AHDC1: variants seen among roughly 807,000 people sequenced by gnomAD.
AHDC1 encodes AT-hook DNA binding motif containing 1.
Under a neutral mutation model 87.9 loss-of-function variants are expected in AHDC1, and 7 were observed. The ratio of observed to expected loss-of-function variants is 0.08; its 90% CI spans 0.05 to 0.15. The LOEUF (loss-of-function observed/expected upper bound fraction) is 0.15. AHDC1 is among the 10% of genes least tolerant of loss of function. AHDC1 has a pLI of 1.00. For synonymous variants in AHDC1, 1,051 were observed against 1,006.8 expected (o/e 1.04, Z -0.83); for missense variants, 1,841 against 2,253.2 (o/e 0.82, Z 3.70).
chr1:27,535,773 AG>A (rs764549417), intron 8 of AHDC1, among the ~76,000 whole-genome samples: 33 of 152,190 alleles, frequency 2.2e-4, no homozygotes, highest in Admixed American at 8.5e-4. Context: ...CGAGATTGGA[AG>A]TACCCCTTTT....
rs536955351 is a variant in AHDC1, at chr1:27,596,504, C to T, written c.-629+6893G>A. 4.6e-5 allele frequency among the ~76,000 whole-genome samples: 7 copies of T among 151,982 alleles called. No individual in the cohort carries two copies. In the East Asian group the frequency reaches 5.8e-4, roughly 13 times the overall value. On this transcript the variant is annotated intron_variant, in intron 3 of 8. Transcript: ENST00000673934. ...GTGGGTCAGTGCCCAACTTCCAGGCCGGGGGCCCCTTCCCACGTGCTTGTG... is the reference window on the plus strand; with the variant it reads ...GTGGGTCAGTGCCCAACTTCCAGGCTGGGGGCCCCTTCCCACGTGCTTGTG...
At chr1:27,603,265 C>T (rs1342274724) in intron 3 of AHDC1, 132 bp downstream of exon 3, 1 of 151,778 alleles carries the variant, frequency 6.6e-6, no homozygotes, top group Non-Finnish European at 1.5e-5. Flanking sequence ...ACCGATCGCA[C>T]CGCGGGCACC....
In AHDC1 at chr1:27,547,325, T is replaced by C. The variant is rs758513170; in HGVS notation, c.4791A>G (p.Thr1597=). ...GGCACTACAGGGATGTGACGGTGAA[T>C]GTGTCCTCGGGGTGAGGTTCCGCCA... ...GPMAEPHPED[T]FTVTSL The change falls in exon 8 of 9, where the codon ACA becomes ACG. Residue 1597 remains threonine, a synonymous_variant. Coordinates refer to ENST00000673934, the MANE Select transcript of AHDC1 (RefSeq NM_001371928.1). This position sits in a 1 kb window ranked among gnomAD's most constrained non-coding sequence, Gnocchi z 4.9. 1.9e-6 allele frequency: 3 copies of C among 1,547,296 alleles called. No homozygotes were observed. The highest frequency in any genetic ancestry group is 1.2e-5 in the South Asian group (1 of 80,384).
chr1:27,535,613 G>T (rs943511994), intron 8 of AHDC1, among the ~76,000 whole-genome samples: 1 of 152,080 alleles, frequency 6.6e-6, no homozygotes, highest in Non-Finnish European at 1.5e-5. Context: ...ATGCCATTCT[G>T]TTCCTTAGAG....
rs1409782074 is a variant in AHDC1 at position 27,562,815 on chromosome 1, C to A, written c.-628-3932G>T. On this transcript the variant is annotated intron_variant, in intron 3 of 8. Coordinates refer to ENST00000673934, the MANE Select transcript of AHDC1 (RefSeq NM_001371928.1). The surrounding 1 kb of genome is among the most constrained non-coding windows in gnomAD (Gnocchi z 4.4). ...CGAGCTCCCAAGTTACTGACAACTT[C>A]CCAACAGCATGAGAGAATCACACAT... Among the ~76,000 whole-genome samples, 2 of 152,182 alleles carry A rather than the reference C, an allele frequency of 1.3e-5. No homozygotes were observed. The highest frequency in any genetic ancestry group is 4.8e-5 in the African/African-American group (2 of 41,438).
At chr1:27,535,653 T>C (rs1041298998) in intron 8 of AHDC1, among the ~76,000 whole-genome samples, 3 of 152,134 alleles carry the variant, frequency 2.0e-5, no homozygotes, top group Non-Finnish European at 4.4e-5. Flanking sequence ...TCTTTCTCAG[T>C]GAAAGAACAG....
intron 3 of AHDC1, among the ~76,000 whole-genome samples, chr1:27,575,426 C>G (rs1039399672): frequency 1.3e-5 from 2 of 152,146 alleles, no homozygotes; most frequent in African/African-American, 4.8e-5. Flanking sequence ...GAGGGGTGCT[C>G]TCTCCACTCC....
In AHDC1 at chr1:27,552,158, G is replaced by A. The variant is rs773135612; in HGVS notation, c.-43C>T. Reference sequence around the variant, plus strand: ...CAGGCCGCCGGGCGGGGCCGGGGCTGACATGAGGGTGCGAGAAGCCGGGAC... The same window carrying A: ...CAGGCCGCCGGGCGGGGCCGGGGCTAACATGAGGGTGCGAGAAGCCGGGAC... On this transcript the variant is annotated 5_prime_UTR_variant, in exon 8 of 9. Transcript: ENST00000673934. 4.9e-6 allele frequency: 7 copies of A among 1,434,056 alleles called. No homozygotes were observed. Among genetic ancestry groups the A allele is most frequent in the East Asian group, 2.5e-5 (1 of 39,660 alleles). 88.8% of individuals were successfully genotyped at this position (1,434,056 alleles called of 1,614,324 possible).
chr1:27,539,135 TTTC>T (rs1272536567), intron 8 of AHDC1, among the ~76,000 whole-genome samples: 1 of 149,810 alleles, frequency 6.7e-6, no homozygotes, highest in Non-Finnish European at 1.5e-5. Context: ...CTTTTTTTCT[TTTC>T]TTTTTTTTTT....
At position 27,535,793 on chromosome 1, in the gene AHDC1, A is replaced by C. The variant is rs1252147214; in HGVS notation, c.*44-877T>G. On this transcript the variant is annotated intron_variant, in intron 8 of 8. Coordinates refer to ENST00000673934, the MANE Select transcript of AHDC1 (RefSeq NM_001371928.1). Reference sequence around the variant, plus strand: ...TTGGAAGTACCCCTTTTTCCCAGACAGTTCTCATTATGCTTGCGGGGCCCT... The same window carrying C: ...TTGGAAGTACCCCTTTTTCCCAGACCGTTCTCATTATGCTTGCGGGGCCCT... Among the ~76,000 whole-genome samples, 6 of 151,782 alleles carry C rather than the reference A, an allele frequency of 4.0e-5. No individual in the cohort carries two copies. The South Asian group carries it at 1.0e-3, about 26-fold the overall frequency.
intron 3 of AHDC1, among the ~76,000 whole-genome samples, chr1:27,587,544 C>G (rs2089094589): frequency 6.6e-6 from 1 of 152,178 alleles, no homozygotes; most frequent in South Asian, 2.1e-4. Flanking sequence ...CACCCAGAAC[C>G]CTGACAATTT....
chr1:27,596,852 C>T (rs1464840973), intron 3 of AHDC1, among the ~76,000 whole-genome samples: 1 of 152,118 alleles, frequency 6.6e-6, no homozygotes, highest in African/African-American at 2.4e-5. Flanking sequence ...GTCACTCTCA[C>T]ACACACACCC....
At position 27,558,801 on chromosome 1, in the gene AHDC1, C is replaced by T. The variant is rs999868087; in HGVS notation, c.-546G>A. 6.8e-5 allele frequency: 27 copies of T among 398,520 alleles called. No individual in the cohort carries two copies. Among genetic ancestry groups the T allele is most frequent in the Non-Finnish European group, 2.2e-5 (5 of 226,096 alleles). The allele number at this position is 398,520 out of a possible 1,614,324, so 24.7% of individuals were successfully genotyped here. On this transcript the variant is annotated 5_prime_UTR_variant, in exon 4 of 9. Coordinates refer to ENST00000673934, the MANE Select transcript of AHDC1 (RefSeq NM_001371928.1). This position sits in a 1 kb window ranked among gnomAD's most constrained non-coding sequence, Gnocchi z 5.6. ...CTCTGCAACGGCCTGAGCGTCGCCC[C>T]GCACTCGGGGCCCTCTGCACACGCT...
chr1:27,542,613 AG>A (rs149871489), intron 8 of AHDC1, among the ~76,000 whole-genome samples: 1 of 152,348 alleles, frequency 6.6e-6, no homozygotes, highest in East Asian at 1.9e-4. Flanking sequence ...CAAGAGATGC[AG>A]AGAGGTGACG....
chr1:27,538,400 C>CAAAAAAAAAAAAAAAAAAA (rs370786800), intron 8 of AHDC1, among the ~76,000 whole-genome samples: 971 of 60,448 alleles, frequency 0.016, 23 homozygotes, highest in Non-Finnish European at 0.029. Context: ...AAGACTGTCT[C>CAAAAAAAAAAAAAAAAAAA]AAAAAAAAAA....
intron 3 of AHDC1, among the ~76,000 whole-genome samples, chr1:27,597,796 G>C (rs947832619): frequency 1.3e-5 from 2 of 151,834 alleles, no homozygotes; most frequent in African/African-American, 2.4e-5. Flanking sequence ...TGTCTGTCTG[G>C]GTTTCCCCCT....
chr1:27,560,203 TG>T lies in AHDC1; in HGVS notation c.-628-1321del, dbSNP rs751827717. 3.6e-4 allele frequency among the ~76,000 whole-genome samples: 53 copies of T among 147,142 alleles called. No homozygotes were observed. The highest frequency in any genetic ancestry group is 1.4e-3 in the African/African-American group (52 of 37,652). ...TTCACGTTTATTTCTATTCGTTTTGTGTGTGTGTGTGTGTGTGTGTGAGTCT... is the reference window on the plus strand; with the variant it reads ...TTCACGTTTATTTCTATTCGTTTTGTTGTGTGTGTGTGTGTGTGTGAGTCT... On this transcript the variant is annotated intron_variant, in intron 3 of 8. Coordinates refer to ENST00000673934, the MANE Select transcript of AHDC1 (RefSeq NM_001371928.1). This position sits in a 1 kb window ranked among gnomAD's most constrained non-coding sequence, Gnocchi z 4.1.
In AHDC1 at chr1:27,561,557, G is replaced by A. The variant is rs942572098; in HGVS notation, c.-628-2674C>T. Among the ~76,000 whole-genome samples the A allele has an allele frequency of 5.3e-5, 8 of 152,130 alleles. No homozygotes were observed. Among genetic ancestry groups the A allele is most frequent in the Non-Finnish European group, 1.5e-5 (1 of 68,018 alleles). On this transcript the variant is annotated intron_variant, in intron 3 of 8. Transcript: ENST00000673934. This position sits in a 1 kb window ranked among gnomAD's most constrained non-coding sequence, Gnocchi z 4.2. Reference sequence around the variant, plus strand: ...GGGCTGGGACTAAGGCTCCCTTCACGGTGCTCCAGGCGCAAGGCAGAATCA... The same window carrying A: ...GGGCTGGGACTAAGGCTCCCTTCACAGTGCTCCAGGCGCAAGGCAGAATCA...
At position 27,548,295 on chromosome 1, in the gene AHDC1, C is replaced by A. The variant is rs577957987; in HGVS notation, c.3821G>T (p.Gly1274Val). 1 of 1,606,810 alleles carries A rather than the reference C, an allele frequency of 6.2e-7. No homozygotes were observed. The highest frequency in any genetic ancestry group is 1.3e-5 in the African/African-American group (1 of 74,976). Residue 1274 changes from glycine (G) to valine (V), a missense_variant, in exon 8 of 9, where the codon GGA becomes GTA. By Grantham distance (109) the Gly-to-Val change is moderately radical. Around this residue, in one of 13 missense-constraint regions of AHDC1, gnomAD observed 505 missense variants for 626.2 expected, o/e 0.81. Transcript: ENST00000673934. Reference protein sequence around the residue: ...RSTGPRQPRGGRGGGACSAKK... With the variant: ...RSTGPRQPRGVRGGGACSAKK... ...GGCTGAGCAGGCCCCACCGCCCCGT[C>A]CACCTCGCGGCTGCCGGGGCCCAGT...
Sources: gnomAD v4.1 joint callset for allele counts (sites outside exome capture counted in the v4.1 genomes callset) on GRCh38, gnomAD v4.1.1 for gene constraint, gnomAD v4.1.1 regional missense constraint, Gnocchi (gnomAD v3.1) non-coding constraint, MANE v1.5 for transcripts, NCBI Gene and HGNC (gene_info 2026-07-23, HGNC 2026-07-21) for gene names.